COPS6: variants seen among roughly 807,000 people sequenced by gnomAD.
COPS6 encodes the protein COP9 signalosome subunit 6.
COPS6 carries 9 observed loss-of-function variants against 41.0 expected under a neutral mutation model. That is an observed-to-expected ratio of 0.22 (90% CI 0.13 to 0.38). The LOEUF (loss-of-function observed/expected upper bound fraction) is 0.38. Ranked by LOEUF, COPS6 falls within the 10% of genes least tolerant of loss-of-function variation. COPS6 has a pLI of 1.00. For missense variants in COPS6, 302 were observed against 436.7 expected (o/e 0.69, Z 2.75); for synonymous variants, 179 against 162.9 (o/e 1.10, Z -0.75).
rs1262089538 is a variant in COPS6, at chr7:100,091,125, G to A, written c.622G>A (p.Ala208Thr). 9 of 1,614,148 alleles carry A rather than the reference G, an allele frequency of 5.6e-6. No homozygotes were observed. The highest frequency in any genetic ancestry group is 6.8e-6 in the Non-Finnish European group (8 of 1,180,006). ...IGVDHVARMT[A>T]TGSGENSTVA... ...TGTAGACCACGTAGCCCGAATGACA[G>A]CAACAGGCAGTGGAGAGAACTCCAC... is the stretch of plus-strand genomic sequence containing the variant. The change falls in exon 7 of 10, where the codon GCA becomes ACA. Residue 208 changes from alanine to threonine, a missense_variant. Ala to Thr is a moderately conservative substitution (Grantham distance 58). Coordinates refer to ENST00000303904, the MANE Select transcript of COPS6 (RefSeq NM_006833.5). The surrounding 1 kb of genome is among the most constrained non-coding windows in gnomAD (Gnocchi z 4.1).
Position 100,091,581 on chromosome 7 carries a change from G to A in COPS6, c.843+61G>A, listed in dbSNP as rs906097475. 25 of 1,613,608 alleles carry A rather than the reference G, an allele frequency of 1.5e-5. No homozygotes were observed. Among genetic ancestry groups the A allele is most frequent in the African/African-American group, 4.0e-5 (3 of 74,914 alleles). Reference sequence around the variant, plus strand: ...TGCTGTCACTTTCACGTGCAGGACTGGGGACTGTTGTTCCCCGGGCATGCC... The same window carrying A: ...TGCTGTCACTTTCACGTGCAGGACTAGGGACTGTTGTTCCCCGGGCATGCC... On this transcript the variant is annotated intron_variant, in intron 9 of 9. Transcript: ENST00000303904. The surrounding 1 kb of genome is among the most constrained non-coding windows in gnomAD (Gnocchi z 4.1).
chr7:100,091,698 C>T lies in COPS6; in HGVS notation c.893C>T (p.Thr298Met), dbSNP rs1284248520. ...GCCTACCTCGGCACCATCACCAAAA[C>T]GTGCAACACCATGAACCAGTTTGTG... Reference protein sequence around the residue: ...LMAYLGTITKTCNTMNQFVNK... With the variant: ...LMAYLGTITKMCNTMNQFVNK... The change falls in exon 10 of 10, where the codon ACG (threonine) becomes ATG (methionine). Residue 298 changes from threonine to methionine, a missense_variant. Around this residue, in one of 3 missense-constraint regions of COPS6, gnomAD observed 222 missense variants for 309.0 expected, o/e 0.72. Coordinates refer to ENST00000303904, the MANE Select transcript of COPS6 (RefSeq NM_006833.5). The surrounding 1 kb of genome is among the most constrained non-coding windows in gnomAD (Gnocchi z 4.1). 8 of 1,614,188 alleles carry T rather than the reference C, an allele frequency of 5.0e-6. No individual in the cohort carries two copies. Among genetic ancestry groups the T allele is most frequent in the South Asian group, 1.1e-5 (1 of 91,082 alleles).
chr7:100,089,196 A>G, intron 1 of COPS6, 94 bp from the exon 2 acceptor site: 1 of 1,530,356 alleles, frequency 6.5e-7, no homozygotes, highest in Admixed American at 2.1e-5. Flanking sequence ...ACGGGAGGAA[A>G]GTGTGGCCCG....
chr7:100,089,963 G>C (rs1795287852), intron 3 of COPS6: 2 of 509,752 alleles, frequency 3.9e-6, no homozygotes, highest in East Asian at 3.5e-5. Context: ...GAAGGGAGTA[G>C]TTATTCTAAA....
chr7:100,091,413 C>T lies in COPS6; in HGVS notation c.743-7C>T, dbSNP rs368935213. 9 of 1,613,472 alleles carry T rather than the reference C, an allele frequency of 5.6e-6. No individual in the cohort carries two copies. The African/African-American group carries it at 6.7e-5, about 12-fold the overall frequency. On this transcript the variant is annotated splice_region_variant and splice_polypyrimidine_tract_variant and intron_variant, in intron 8 of 9. Transcript: ENST00000303904. The surrounding 1 kb of genome is among the most constrained non-coding windows in gnomAD (Gnocchi z 4.1). ...CAAACTAATGTAGTCTCTTTTTGTG[C>T]CTTTAGGAGAGGTCCCCTTTAATCA...
Position 100,089,284 on chromosome 7 carries a change from C to A in COPS6, c.77-6C>A. 2 of 1,613,726 alleles carry A rather than the reference C, an allele frequency of 1.2e-6. No individual in the cohort carries two copies. Among genetic ancestry groups the A allele is most frequent in the Non-Finnish European group, 8.5e-7 (1 of 1,179,838 alleles). ...CTCACCCTCTCTCCTTTCCCTCCAC[C>A]CTTAGTAGTCCCCAGCGTGATGGCC... On this transcript the variant is annotated splice_polypyrimidine_tract_variant and splice_region_variant and intron_variant, in intron 1 of 9. Transcript: ENST00000303904.
In COPS6 at chr7:100,089,748, TGA is replaced by T. The variant is rs1179895988; in HGVS notation, c.334+6_334+7del. The T allele has an allele frequency of 6.2e-7, 1 of 1,612,264 alleles. No individual in the cohort carries two copies. Among genetic ancestry groups the T allele is most frequent in the South Asian group, 1.1e-5 (1 of 90,980 alleles). On this transcript the variant is annotated splice_donor_region_variant and intron_variant, in intron 3 of 9. Transcript: ENST00000303904. ...ATTATTACACCAAGGAGGAGCAGTG[TGA>T]GAGTGGAATAGATGTGGGGAAGAGG...
At chr7:100,090,535 AG>A in intron 4 of COPS6, 48 bp downstream of exon 4, 1 of 1,609,850 alleles carries the variant, frequency 6.2e-7, no homozygotes, top group Non-Finnish European at 8.5e-7. Context: ...ATGGAGAATG[AG>A]GGGAAGGAGA....
rs1277871811 is a variant in COPS6, at chr7:100,089,508, C to G, written c.202+93C>G. ...CTTCCTCTACTGGAGCCAATTCCCC[C>G]TCCCCCAAATCATCGTTTCCCCAAT... is the stretch of plus-strand genomic sequence containing the variant. On this transcript the variant is annotated intron_variant, in intron 2 of 9. Coordinates refer to ENST00000303904, the MANE Select transcript of COPS6 (RefSeq NM_006833.5). The G allele has an allele frequency of 1.9e-6, 3 of 1,601,808 alleles. No individual in the cohort carries two copies. The African/African-American group carries it at 4.0e-5, about 22-fold the overall frequency.
At chr7:100,089,470 G>C (rs1412451198) in intron 2 of COPS6, 55 bp downstream of exon 2, 1 of 1,610,974 alleles carries the variant, frequency 6.2e-7, no homozygotes, top group Non-Finnish European at 8.5e-7. Flanking sequence ...CCCCCAGGCA[G>C]TGGTCTTTTC....
At chr7:100,090,715 C>T (rs1343131241) in intron 5 of COPS6, 61 bp downstream of exon 5, 1 of 1,533,674 alleles carries the variant, frequency 6.5e-7, no homozygotes, top group Non-Finnish European at 9.0e-7. Context: ...CTGTGTGACA[C>T]TCCTCTATTG....
chr7:100,090,156 TG>T, intron 3 of COPS6: 1 of 515,454 alleles, frequency 1.9e-6, no homozygotes, highest in Non-Finnish European at 3.5e-6. Flanking sequence ...AAGACCAGCC[TG>T]GCAAACATAG....
In COPS6 at chr7:100,091,735, T is replaced by A; in HGVS notation, c.930T>A (p.Asn310Lys). The change falls in exon 10 of 10, where the codon AAT becomes AAA. Residue 310 changes from asparagine (N) to lysine (K), a missense_variant. Around this residue, in one of 3 missense-constraint regions of COPS6, gnomAD observed 222 missense variants for 309.0 expected, o/e 0.72. Transcript: ENST00000303904. This position sits in a 1 kb window ranked among gnomAD's most constrained non-coding sequence, Gnocchi z 4.1. ...NTMNQFVNKF[N>K]VLYDRQGIGR... ...TGAACCAGTTTGTGAACAAGTTCAA[T>A]GTCCTCTACGACCGACAAGGCATCG... 1 of 1,614,216 alleles carries A rather than the reference T, an allele frequency of 6.2e-7. No homozygotes were observed. The highest frequency in any genetic ancestry group is 1.1e-5 in the South Asian group (1 of 91,086).
At position 100,091,743 on chromosome 7, in the gene COPS6, A is replaced by G; in HGVS notation, c.938A>G (p.Tyr313Cys). The change falls in exon 10 of 10, where the codon TAC becomes TGC. Residue 313 changes from tyrosine (Y) to cysteine (C), a missense_variant. By Grantham distance (194) the Tyr-to-Cys change is radical (BLOSUM62 -2). Around this residue, in one of 3 missense-constraint regions of COPS6, gnomAD observed 222 missense variants for 309.0 expected, o/e 0.72. Coordinates refer to ENST00000303904, the MANE Select transcript of COPS6 (RefSeq NM_006833.5). The surrounding 1 kb of genome is among the most constrained non-coding windows in gnomAD (Gnocchi z 4.1). ...TTTGTGAACAAGTTCAATGTCCTCT[A>G]CGACCGACAAGGCATCGGCAGGAGA... The part of the protein sequence containing the change: ...NQFVNKFNVL[Y>C]DRQGIGRRMR... The G allele has an allele frequency of 6.2e-7, 1 of 1,614,200 alleles. No homozygotes were observed.
chr7:100,089,193 G>A (rs1795276577), intron 1 of COPS6, 97 bp from the exon 2 acceptor site: 2 of 1,529,702 alleles, frequency 1.3e-6, no homozygotes, highest in Admixed American at 2.1e-5. Context: ...GTTACGGGAG[G>A]AAAGTGTGGC....
In COPS6 at chr7:100,091,341, G is replaced by A; in HGVS notation, c.742+11G>A. ...AGGCCTCTGAAGCGGGTAGGACAGG[G>A]GCTTCCCTGGCATTCTTCCTCTCCC... On this transcript the variant is annotated intron_variant, in intron 8 of 9. Transcript: ENST00000303904. The surrounding 1 kb of genome is among the most constrained non-coding windows in gnomAD (Gnocchi z 4.1). The A allele has an allele frequency of 6.2e-7, 1 of 1,613,988 alleles. No homozygotes were observed. The highest frequency in any genetic ancestry group is 8.5e-7 in the Non-Finnish European group (1 of 1,179,878).
At chr7:100,089,469 A>G in intron 2 of COPS6, 54 bp downstream of exon 2, 14 of 1,611,130 alleles carry the variant, frequency 8.7e-6, no homozygotes, top group Non-Finnish European at 1.2e-5. Flanking sequence ...TCCCCCAGGC[A>G]GTGGTCTTTT....
intron 2 of COPS6, 93 bp from the exon 3 acceptor site, chr7:100,089,522 C>A: frequency 6.2e-7 from 1 of 1,600,202 alleles, no homozygotes; most frequent in South Asian, 1.1e-5. Context: ...CCCAAATCAT[C>A]GTTTCCCCAA....
At chr7:100,089,111 G>A (rs1452112720) in intron 1 of COPS6, 45 bp downstream of exon 1, 2 of 1,441,862 alleles carry the variant, frequency 1.4e-6, no homozygotes, top group Non-Finnish European at 1.8e-6. Context: ...TCCTTCAGGG[G>A]TTCGTTGAGG....
Sources: gnomAD v4.1 joint callset for allele counts on GRCh38, gnomAD v4.1.1 for gene constraint, gnomAD v4.1.1 regional missense constraint, Gnocchi (gnomAD v3.1) non-coding constraint, MANE v1.5 for transcripts, NCBI Gene and HGNC (gene_info 2026-07-23, HGNC 2026-07-21) for gene names.